Variants in TENM4 observed in about 807,000 individuals in gnomAD.
TENM4 encodes the protein teneurin-4.
In TENM4, 82 loss-of-function variants were observed where a neutral mutation model predicts 243.3. That is an observed-to-expected ratio of 0.34 (90% CI 0.28 to 0.40). The LOEUF (loss-of-function observed/expected upper bound fraction) is 0.40. TENM4 is among the 10% of genes least tolerant of loss of function. The pLI is 1.00. For missense variants in TENM4, 3,138 were observed against 3,673.3 expected (o/e 0.85, Z 3.77); for synonymous variants, 1,412 against 1,456.3 (o/e 0.97, Z 0.69).
intron 30 of TENM4, 146 bp downstream of exon 30, chr11:78,676,006 C>G: frequency 1.3e-6 from 1 of 785,678 alleles, no homozygotes; most frequent in Non-Finnish European, 1.9e-6. Context: ...ACAAGGGTCT[C>G]TGATCACACA....
chr11:78,798,282 T>C (rs532248278), intron 15 of TENM4, among the ~76,000 whole-genome samples: 10 of 152,368 alleles, frequency 6.6e-5, no homozygotes, highest in African/African-American at 2.4e-4. Flanking sequence ...AGCATTGAGT[T>C]TATTTTGCTG....
intron 3 of TENM4, among the ~76,000 whole-genome samples, chr11:79,187,543 C>G (rs1014841111): frequency 2.6e-5 from 4 of 152,146 alleles, no homozygotes; most frequent in African/African-American, 9.7e-5. Flanking sequence ...TGACTGCCTC[C>G]CTAGGCAGGA....
intron 4 of TENM4, among the ~76,000 whole-genome samples, chr11:79,080,416 G>A (rs1860638227): frequency 2.0e-5 from 3 of 152,376 alleles, no homozygotes; most frequent in African/African-American, 7.2e-5. Context: ...GCATCAGGTG[G>A]GGTGGGCAGC....
intron 2 of TENM4, among the ~76,000 whole-genome samples, chr11:79,294,802 A>G (rs994438501): frequency 6.6e-6 from 1 of 151,832 alleles, no homozygotes; most frequent in Non-Finnish European, 1.5e-5. Context: ...TGAGCCAAGA[A>G]CCCATCACTG....
chr11:79,339,951 G>T (rs1347738320), intron 1 of TENM4, among the ~76,000 whole-genome samples: 1 of 152,154 alleles, frequency 6.6e-6, no homozygotes, highest in Non-Finnish European at 1.5e-5. Context: ...AGGCAGCCAC[G>T]TGAGGAAGTG....
chr11:79,426,899 C>T (rs955753542), intron 1 of TENM4, among the ~76,000 whole-genome samples: 5 of 152,194 alleles, frequency 3.3e-5, no homozygotes, highest in African/African-American at 4.8e-5. Context: ...TTTCATTCCC[C>T]TTTTCTTCTC....
intron 2 of TENM4, among the ~76,000 whole-genome samples, chr11:79,240,210 C>T (rs1864563903): frequency 6.6e-6 from 1 of 152,152 alleles, no homozygotes; most frequent in Non-Finnish European, 1.5e-5. Context: ...GACTGAATGA[C>T]TGCTGCCCAT....
At chr11:78,800,294 C>G (rs769085908) in intron 15 of TENM4, among the ~76,000 whole-genome samples, 12 of 152,296 alleles carry the variant, frequency 7.9e-5, no homozygotes, top group Middle Eastern at 3.4e-3. Flanking sequence ...GCATTCAGCC[C>G]AGCAGGCCTG....
chr11:79,317,120 T>A (rs1448766654), intron 1 of TENM4, among the ~76,000 whole-genome samples: 1 of 152,220 alleles, frequency 6.6e-6, no homozygotes, highest in African/African-American at 2.4e-5. Flanking sequence ...AGGCTAGCAG[T>A]TTATAAAATA....
intron 9 of TENM4, among the ~76,000 whole-genome samples, chr11:78,872,230 A>C (rs1346564937): frequency 6.6e-6 from 1 of 152,140 alleles, no homozygotes; most frequent in Non-Finnish European, 1.5e-5. Flanking sequence ...TTTCATCCTG[A>C]TCAGGACAAA....
intron 4 of TENM4, among the ~76,000 whole-genome samples, chr11:79,080,663 C>T (rs1181172453): frequency 2.6e-5 from 4 of 152,180 alleles, no homozygotes; most frequent in Non-Finnish European, 4.4e-5. Flanking sequence ...GAAGCCAGAC[C>T]CACTGGGGCC....
chr11:78,986,622 G>C (rs1191569403), intron 6 of TENM4, among the ~76,000 whole-genome samples: 2 of 152,194 alleles, frequency 1.3e-5, no homozygotes, highest in Non-Finnish European at 2.9e-5. Flanking sequence ...AGAGCGCAGT[G>C]GTGTGATCTC....
chr11:79,438,142 C>T lies in TENM4; in HGVS notation c.-321+2367G>A, dbSNP rs1284651095. 6.6e-6 allele frequency among the ~76,000 whole-genome samples: 1 copy of T among 152,086 alleles called. No homozygotes were observed. Among genetic ancestry groups the T allele is most frequent in the Admixed American group, 6.5e-5 (1 of 15,282 alleles). On this transcript the variant is annotated intron_variant, in intron 1 of 33. Transcript: ENST00000278550. This position sits in a 1 kb window ranked among gnomAD's most constrained non-coding sequence, Gnocchi z 4.1. ...AACACTCCCCACCCATGCACATCAC[C>T]ATCTCCTGACTGCGGGCTGGGGGGA...
intron 9 of TENM4, among the ~76,000 whole-genome samples, chr11:78,870,153 G>T (rs1303292510): frequency 6.6e-6 from 1 of 152,170 alleles, no homozygotes; most frequent in African/African-American, 2.4e-5. Context: ...CACCTCAAAG[G>T]ATTGAATGAG....
chr11:78,728,466 TC>T (rs1855574792), intron 22 of TENM4, among the ~76,000 whole-genome samples: 1 of 151,536 alleles, frequency 6.6e-6, no homozygotes, highest in African/African-American at 2.4e-5. Flanking sequence ...CTCCTCTTCT[TC>T]CCCCCTCTTC....
In TENM4 at chr11:79,309,617, C is replaced by T. The variant is rs750539550; in HGVS notation, c.-320-12074G>A. On this transcript the variant is annotated intron_variant, in intron 1 of 33. Transcript: ENST00000278550. ...AGAAGCAGGTTTCCAAATATAAATA[C>T]GAAGATAAGATAAGCAGGCAGAGAT... is the stretch of plus-strand genomic sequence containing the variant. Among the ~76,000 whole-genome samples, 20 of 152,208 alleles carry T rather than the reference C, an allele frequency of 1.3e-4. No homozygotes were observed. The South Asian group carries it at 3.5e-3, about 27-fold the overall frequency.
At chr11:78,930,855 G>A (rs185212323) in intron 6 of TENM4, among the ~76,000 whole-genome samples, 3 of 152,276 alleles carry the variant, frequency 2.0e-5, no homozygotes, top group African/African-American at 4.8e-5. Context: ...AGAAAAATTC[G>A]ACACACTCTA....
intron 7 of TENM4, among the ~76,000 whole-genome samples, chr11:78,891,552 T>A (rs1855666159): frequency 6.6e-6 from 1 of 152,180 alleles, no homozygotes; most frequent in Admixed American, 6.5e-5. Context: ...AAAACAAGGT[T>A]TGGCAGTTGT....
chr11:78,951,334 G>C (rs953443569), intron 6 of TENM4, among the ~76,000 whole-genome samples: 4 of 152,212 alleles, frequency 2.6e-5, no homozygotes, highest in African/African-American at 9.6e-5. Context: ...TCTGCTAAAT[G>C]AATGGACAGA....
Sources: allele counts gnomAD v4.1 joint callset (sites outside exome capture counted in the v4.1 genomes callset), GRCh38; gene constraint gnomAD v4.1.1; non-coding constraint Gnocchi (gnomAD v3.1); transcripts MANE v1.5; gene names NCBI Gene and HGNC (gene_info 2026-07-23, HGNC 2026-07-21).